The following FRMD5 variants were observed in gnomAD, a reference collection of about 807,000 sequenced individuals.
FRMD5 encodes FERM domain-containing protein 5.
A neutral mutation model predicts 69.0 loss-of-function variants in FRMD5; 20 were observed. The observed-to-expected ratio is 0.29, with a 90% CI of 0.20 to 0.42. FRMD5 has a LOEUF of 0.42. Ranked by LOEUF, FRMD5 falls within the 10% of genes least tolerant of loss-of-function variation. FRMD5 has a pLI of 1.00. For synonymous variants in FRMD5, 271 were observed against 260.1 expected (o/e 1.04, Z -0.40); for missense variants, 595 against 708.6 (o/e 0.84, Z 1.82).
At chr15:43,974,282 C>A (rs1042648854) in intron 1 of FRMD5, among the ~76,000 whole-genome samples, 2 of 152,102 alleles carry the variant, frequency 1.3e-5, no homozygotes, top group South Asian at 4.1e-4. Context: ...GGAAAGCAAT[C>A]TAGGAGGTGA....
chr15:43,948,056 T>C (rs1887004549), intron 1 of FRMD5, among the ~76,000 whole-genome samples: 1 of 152,122 alleles, frequency 6.6e-6, no homozygotes, highest in South Asian at 2.1e-4. Context: ...TCTTTAATCA[T>C]CACAACAACC....
intron 1 of FRMD5, among the ~76,000 whole-genome samples, chr15:43,985,236 G>A (rs1176176743): frequency 1.4e-5 from 2 of 144,936 alleles, no homozygotes; most frequent in African/African-American, 2.6e-5. Context: ...AGCCGAGATC[G>A]GACCACTGCA....
intron 1 of FRMD5, among the ~76,000 whole-genome samples, chr15:44,175,534 C>G (rs111337188): frequency 2.6e-5 from 4 of 152,198 alleles, no homozygotes; most frequent in Admixed American, 6.5e-5. Context: ...AATGATATAG[C>G]CACTTTGGAA....
At chr15:44,140,873 A>ACT (rs10659993) in intron 1 of FRMD5, among the ~76,000 whole-genome samples, 99,444 of 111,144 alleles carry the variant, frequency 0.89, 44,970 homozygotes, top group East Asian at 1. Context: ...ACAGAGTGAG[A>ACT]CTGTCTCAAA....
intron 1 of FRMD5, among the ~76,000 whole-genome samples, chr15:43,991,374 G>C (rs1889667402): frequency 6.6e-6 from 1 of 152,186 alleles, no homozygotes; most frequent in African/African-American, 2.4e-5. Flanking sequence ...CAGTGGCTTT[G>C]ATGTACGCAG....
intron 1 of FRMD5, among the ~76,000 whole-genome samples, chr15:44,042,992 C>T (rs915708976): frequency 6.6e-6 from 1 of 152,134 alleles, no homozygotes; most frequent in Non-Finnish European, 1.5e-5. Flanking sequence ...CAAATTGTCC[C>T]TATTTGCAGA....
chr15:44,188,977 G>A (rs1399033811), intron 1 of FRMD5, among the ~76,000 whole-genome samples: 1 of 152,126 alleles, frequency 6.6e-6, no homozygotes, highest in Non-Finnish European at 1.5e-5. Context: ...TGTCAAAGGG[G>A]TGTTTTCTGT....
chr15:43,985,436 CTAGTA>C (rs1053845192), intron 1 of FRMD5, among the ~76,000 whole-genome samples: 1 of 152,112 alleles, frequency 6.6e-6, no homozygotes, highest in African/African-American at 2.4e-5. Context: ...AAGACAATCT[CTAGTA>C]TATTTGTCAG....
At chr15:44,037,252 C>T (rs1453657229) in intron 1 of FRMD5, among the ~76,000 whole-genome samples, 2 of 152,000 alleles carry the variant, frequency 1.3e-5, no homozygotes, top group African/African-American at 4.8e-5. Flanking sequence ...GTTTTCTGTT[C>T]CTGTGATAGT....
chr15:44,075,462 T>C (rs950410131), intron 1 of FRMD5, among the ~76,000 whole-genome samples: 56 of 152,100 alleles, frequency 3.7e-4, no homozygotes, highest in African/African-American at 1.4e-3. Context: ...AAAAAAAGTT[T>C]CCCCTCTTAA....
chr15:43,924,346 G>A (rs759394270), intron 1 of FRMD5, 37 bp from the exon 2 acceptor site: 147 of 1,460,332 alleles, frequency 1.0e-4, no homozygotes, highest in Non-Finnish European at 1.4e-4. Context: ...AAATGAGTGG[G>A]TTTCTTCAGT....
intron 1 of FRMD5, among the ~76,000 whole-genome samples, chr15:44,027,659 T>TG (rs1891494492): frequency 8.7e-6 from 1 of 115,252 alleles, no homozygotes; most frequent in African/African-American, 2.8e-5. Context: ...TTGTTTTTTT[T>TG]TTTTTTTCCG....
At chr15:43,893,131 A>AAC (rs2088833342) in intron 7 of FRMD5, among the ~76,000 whole-genome samples, 1 of 151,316 alleles carries the variant, frequency 6.6e-6, no homozygotes, top group Non-Finnish European at 1.5e-5. Context: ...GAAAAAACAA[A>AAC]AAAAAAAAAA....
intron 1 of FRMD5, among the ~76,000 whole-genome samples, chr15:44,003,612 C>G (rs796432172): frequency 2.0e-5 from 3 of 152,130 alleles, no homozygotes; most frequent in Non-Finnish European, 2.9e-5. Context: ...TATTTATGCC[C>G]TTGGCTATGA....
chr15:43,885,032 C>A, intron 11 of FRMD5: 1 of 456,930 alleles, frequency 2.2e-6, no homozygotes. Flanking sequence ...CTTCCATTCT[C>A]ATTTAGGAGT....
At chr15:43,999,952 GCATA>G (rs1890118886) in intron 1 of FRMD5, among the ~76,000 whole-genome samples, 5 of 56,618 alleles carry the variant, frequency 8.8e-5, no homozygotes, top group African/African-American at 4.7e-4. Context: ...TATATGCCAT[GCATA>G]TATATATATA....
At chr15:44,015,387 C>T (rs907911809) in intron 1 of FRMD5, among the ~76,000 whole-genome samples, 2 of 152,160 alleles carry the variant, frequency 1.3e-5, no homozygotes, top group Non-Finnish European at 2.9e-5. Context: ...AGTAACTCTT[C>T]TGTCTTGGCC....
intron 1 of FRMD5, among the ~76,000 whole-genome samples, chr15:43,957,960 C>CA (rs528014677): frequency 1.3e-5 from 2 of 152,168 alleles, no homozygotes; most frequent in Non-Finnish European, 2.9e-5. Flanking sequence ...CACATAACTC[C>CA]ACAAGGTATA....
At chr15:44,014,861 G>A (rs1272316906) in intron 1 of FRMD5, among the ~76,000 whole-genome samples, 2 of 152,188 alleles carry the variant, frequency 1.3e-5, no homozygotes, top group African/African-American at 4.8e-5. Context: ...AGCACATCAG[G>A]CATGTGTAAG....
Sources: gnomAD v4.1 joint callset for allele counts (sites outside exome capture counted in the v4.1 genomes callset) on GRCh38, gnomAD v4.1.1 for gene constraint, MANE v1.5 for transcripts, NCBI Gene and HGNC (gene_info 2026-07-23, HGNC 2026-07-21) for gene names.